Variants in MYO1D observed in about 807,000 individuals in gnomAD.
The protein encoded by MYO1D is unconventional myosin-Id.
Under a neutral mutation model 122.0 loss-of-function variants are expected in MYO1D, and 83 were observed. The observed-to-expected ratio is 0.68, with a 90% CI of 0.57 to 0.82. The LOEUF is 0.82. Among genes scored for constraint, MYO1D ranks in the 40% least tolerant of loss-of-function variants. The pLI is 0.00. For missense variants in MYO1D, 1,157 were observed against 1,269.5 expected (o/e 0.91, Z 1.35); for synonymous variants, 464 against 446.9 (o/e 1.04, Z -0.48).
At chr17:32,673,265 G>T (rs1032261311) in intron 16 of MYO1D, among the ~76,000 whole-genome samples, 2 of 151,254 alleles carry the variant, frequency 1.3e-5, no homozygotes, top group African/African-American at 2.4e-5. Context: ...TACCACACCT[G>T]GCTAATTTTT....
At chr17:32,563,783 C>A (rs2087148155) in intron 21 of MYO1D, among the ~76,000 whole-genome samples, 1 of 152,234 alleles carries the variant, frequency 6.6e-6, no homozygotes, top group Non-Finnish European at 1.5e-5. Flanking sequence ...CTCACCCTGT[C>A]CCTTTGCTGC....
intron 20 of MYO1D, among the ~76,000 whole-genome samples, chr17:32,627,131 G>C (rs548338840): frequency 1.4e-4 from 22 of 152,266 alleles, no homozygotes; most frequent in Non-Finnish European, 2.2e-4. Flanking sequence ...GGACTACTGA[G>C]AATTAATTAG....
At chr17:32,842,852 G>T (rs1483241238) in intron 1 of MYO1D, among the ~76,000 whole-genome samples, 2 of 147,550 alleles carry the variant, frequency 1.4e-5, no homozygotes, top group South Asian at 2.2e-4. Flanking sequence ...ACTCAACACA[G>T]TTATACTGTC....
At position 32,494,464 on chromosome 17, in the gene MYO1D, C is replaced by A. The variant is rs903021077; in HGVS notation, c.*295G>T. On this transcript the variant is annotated 3_prime_UTR_variant, in exon 22 of 22. Coordinates refer to ENST00000318217, the MANE Select transcript of MYO1D (RefSeq NM_015194.3). Reference sequence around the variant, plus strand: ...TTGACCTGGCCACGGGGCATCCGCACCAACTAAAGGCACCATCCAGTTGCC... The same window carrying A: ...TTGACCTGGCCACGGGGCATCCGCAACAACTAAAGGCACCATCCAGTTGCC... 5.1e-6 allele frequency: 2 copies of A among 389,864 alleles called. No individual in the cohort carries two copies. The highest frequency in any genetic ancestry group is 9.4e-6 in the Non-Finnish European group (2 of 213,812). 24.2% of individuals were successfully genotyped at this position (389,864 alleles called of 1,614,324 possible). A position where few individuals can be genotyped will look rare whatever the true frequency, so the allele number is the denominator to read the frequency against.
At chr17:32,727,841 A>C (rs2089594380) in intron 14 of MYO1D, among the ~76,000 whole-genome samples, 1 of 152,240 alleles carries the variant, frequency 6.6e-6, no homozygotes, top group African/African-American at 2.4e-5. Flanking sequence ...AAAGATTGAA[A>C]GTAAAAGGAT....
At chr17:32,547,709 G>A (rs753170744) in intron 21 of MYO1D, among the ~76,000 whole-genome samples, 17 of 152,214 alleles carry the variant, frequency 1.1e-4, no homozygotes, top group African/African-American at 2.7e-4. Flanking sequence ...CACTTTGGGA[G>A]GCCAAGGCAG....
chr17:32,593,791 G>C (rs549794849), intron 21 of MYO1D, among the ~76,000 whole-genome samples: 1 of 152,270 alleles, frequency 6.6e-6, no homozygotes, highest in East Asian at 1.9e-4. Flanking sequence ...CAAAAAATTA[G>C]CCGGGCGTGG....
In MYO1D at chr17:32,771,162, G is replaced by T. The variant is rs1248334165; in HGVS notation, c.677C>A (p.Ser226Ter). ...TCCCACATGAATATAGTTGTAGGAT[G>T]AAAGGGATTTCTGGAGATGTAGAGA... ...LRSLHLQKSL[S>*]SYNYIHVGAQ... Residue 226 changes from serine to a stop codon, truncating the protein, a stop_gained, in exon 6 of 22, where the codon TCA becomes TAA. Transcript: ENST00000318217. LOFTEE classifies it high-confidence loss of function. 6.2e-7 allele frequency: 1 copy of T among 1,611,486 alleles called. No individual in the cohort carries two copies. Among genetic ancestry groups the T allele is most frequent in the East Asian group, 2.2e-5 (1 of 44,796 alleles).
intron 21 of MYO1D, among the ~76,000 whole-genome samples, chr17:32,598,990 T>A (rs2087530042): frequency 6.6e-6 from 1 of 152,186 alleles, no homozygotes; most frequent in Non-Finnish European, 1.5e-5. Flanking sequence ...GACGGCTGCT[T>A]ACTGATCAGG....
At chr17:32,693,825 AT>A (rs980031650) in intron 16 of MYO1D, among the ~76,000 whole-genome samples, 1 of 152,240 alleles carries the variant, frequency 6.6e-6, no homozygotes, top group African/African-American at 2.4e-5. Context: ...TTTTCCAAAT[AT>A]GCTTTTATCG....
At chr17:32,854,230 T>C (rs1333377879) in intron 1 of MYO1D, among the ~76,000 whole-genome samples, 2 of 152,246 alleles carry the variant, frequency 1.3e-5, no homozygotes, top group African/African-American at 4.8e-5. Context: ...GAATTTTAGC[T>C]TATTAATCAG....
chr17:32,714,861 A>C (rs1567962663), intron 15 of MYO1D, among the ~76,000 whole-genome samples: 1 of 152,236 alleles, frequency 6.6e-6, no homozygotes, highest in Non-Finnish European at 1.5e-5. Flanking sequence ...AATTATCATC[A>C]GAGTGAACAG....
At chr17:32,750,743 T>C (rs1037695797) in intron 11 of MYO1D, among the ~76,000 whole-genome samples, 1 of 152,184 alleles carries the variant, frequency 6.6e-6, no homozygotes, top group Non-Finnish European at 1.5e-5. Flanking sequence ...AGTGAATAAT[T>C]ACAGGAAATT....
rs145548229 is a variant in MYO1D at position 32,571,134 on chromosome 17, T to C, written c.2864+33953A>G. 2.3e-3 allele frequency among the ~76,000 whole-genome samples: 351 copies of C among 152,170 alleles called. 1 individual carries two copies. The highest frequency in any genetic ancestry group is 8.3e-3 in the African/African-American group (343 of 41,498). ...AGACCTTAAAGGGTGTTTCTACCACTGGTGCTAGAGTAGGTGAATCAGTGG... is the reference window on the plus strand; with the variant it reads ...AGACCTTAAAGGGTGTTTCTACCACCGGTGCTAGAGTAGGTGAATCAGTGG... On this transcript the variant is annotated intron_variant, in intron 21 of 21. Transcript: ENST00000318217.
Position 32,494,593 on chromosome 17 carries a change from T to C in MYO1D, c.*166A>G. On this transcript the variant is annotated 3_prime_UTR_variant, in exon 22 of 22. Coordinates refer to ENST00000318217, the MANE Select transcript of MYO1D (RefSeq NM_015194.3). ...CGTGGACAGTAAGGACAGAGGAAGA[T>C]GATACCAAAGGCAGAAAACCAGGAA... 1 of 824,636 alleles carries C rather than the reference T, an allele frequency of 1.2e-6. No individual in the cohort carries two copies. The highest frequency in any genetic ancestry group is 1.8e-6 in the Non-Finnish European group (1 of 541,896). The allele number at this position is 824,636 out of a possible 1,614,324, so 51.1% of individuals were successfully genotyped here.
At chr17:32,528,558 G>A (rs1425120094) in intron 21 of MYO1D, among the ~76,000 whole-genome samples, 3 of 152,118 alleles carry the variant, frequency 2.0e-5, no homozygotes. Context: ...CCTAATCCCT[G>A]GAACCTGTGA....
chr17:32,595,574 T>A lies in MYO1D; in HGVS notation c.2864+9513A>T, dbSNP rs542502301. 2.0e-5 allele frequency among the ~76,000 whole-genome samples: 3 copies of A among 152,270 alleles called. No homozygotes were observed. The East Asian group carries it at 5.8e-4, about 29-fold the overall frequency. ...GAAGGATTGAGTTACCATCTTCTGG[T>A]GGGCAAGGTGCACCTATCAGTAGGA... On this transcript the variant is annotated intron_variant, in intron 21 of 21. Coordinates refer to ENST00000318217, the MANE Select transcript of MYO1D (RefSeq NM_015194.3).
intron 21 of MYO1D, among the ~76,000 whole-genome samples, chr17:32,571,232 G>C (rs1053375069): frequency 6.6e-6 from 1 of 152,042 alleles, no homozygotes; most frequent in Non-Finnish European, 1.5e-5. Context: ...GTGGGGGAGT[G>C]GGGCGTGGAA....
chr17:32,628,496 C>T (rs376591914), intron 20 of MYO1D, among the ~76,000 whole-genome samples: 1 of 152,050 alleles, frequency 6.6e-6, no homozygotes, highest in African/African-American at 2.4e-5. Flanking sequence ...GAATAATTCT[C>T]GCTAATGGAA....
Sources: gnomAD v4.1 joint callset for allele counts (sites outside exome capture counted in the v4.1 genomes callset) on GRCh38, gnomAD v4.1.1 for gene constraint, MANE v1.5 for transcripts, NCBI Gene and HGNC (gene_info 2026-07-23, HGNC 2026-07-21) for gene names.